The following TGFBR1 variants were observed in gnomAD, a reference collection of about 807,000 sequenced individuals.
TGFBR1 encodes the protein TGF-beta receptor type-1.
A neutral mutation model predicts 55.1 loss-of-function variants in TGFBR1; 20 were observed. The ratio of observed to expected loss-of-function variants is 0.36; its 90% CI spans 0.26 to 0.53. TGFBR1 has a LOEUF of 0.53. Ranked by LOEUF, TGFBR1 falls within the 20% of genes least tolerant of loss-of-function variation. TGFBR1 has a pLI of 0.91. For synonymous variants in TGFBR1, 220 were observed against 214.8 expected, an observed-to-expected ratio of 1.02 and a Z score of -0.21; for missense variants, 385 against 617.6, an observed-to-expected ratio of 0.62 and a Z score of 3.99.
Position 99,151,182 on chromosome 9 carries a change from G to A in TGFBR1, c.*1877G>A. On this transcript the variant is annotated 3_prime_UTR_variant, in exon 9 of 9. Coordinates refer to ENST00000374994, the MANE Select transcript of TGFBR1 (RefSeq NM_004612.4). ...GAGTGACATATTACATAGGAATTTA[G>A]TGTCAATTTCATGTGTTTAAAAACA... 4.3e-6 allele frequency: 1 copy of A among 230,406 alleles called. No homozygotes were observed. The highest frequency in any genetic ancestry group is 8.6e-6 in the Non-Finnish European group (1 of 116,308). 14.3% of individuals were successfully genotyped at this position (230,406 alleles called of 1,614,324 possible). A position where few individuals can be genotyped will look rare whatever the true frequency, so the allele number is the denominator to read the frequency against.
At position 99,151,676 on chromosome 9, in the gene TGFBR1, AT is replaced by A. The variant is rs1827982498; in HGVS notation, c.*2378del. 5.7e-5 allele frequency: 13 copies of A among 226,328 alleles called. No homozygotes were observed. In the East Asian group the frequency reaches 8.3e-4, roughly 14 times the overall value. 14.0% of individuals were successfully genotyped at this position (226,328 alleles called of 1,614,324 possible). A position where few individuals can be genotyped will look rare whatever the true frequency, so the allele number is the denominator to read the frequency against. On this transcript the variant is annotated 3_prime_UTR_variant, in exon 9 of 9. Coordinates refer to ENST00000374994, the MANE Select transcript of TGFBR1 (RefSeq NM_004612.4). ...AAATGTACTTTTGATGAATCAGGGA[AT>A]TTTTTTAAAGTTGGAGTTTAGTTCT...
intron 1 of TGFBR1, among the ~76,000 whole-genome samples, chr9:99,114,682 A>G (rs1275353658): frequency 6.6e-6 from 1 of 152,256 alleles, no homozygotes; most frequent in African/African-American, 2.4e-5. Flanking sequence ...AAGCTTTGCT[A>G]AAAGCTGGAG....
At chr9:99,104,334 G>A (rs1465485676), upstream of TGFBR1, among the ~76,000 whole-genome samples, 1 of 152,194 alleles carries the variant, frequency 6.6e-6, no homozygotes, top group Admixed American at 6.5e-5. Flanking sequence ...TCGGGAAGGG[G>A]TTTGAGAGGA....
chr9:99,105,347 C>G, intron 1 of TGFBR1, 45 bp downstream of exon 1: 1 of 979,582 alleles, frequency 1.0e-6, no homozygotes, highest in Non-Finnish European at 1.2e-6. Flanking sequence ...GCGCGCGGGC[C>G]GGACCCGGCC....
chr9:99,126,988 T>C (rs756808777), intron 1 of TGFBR1, among the ~76,000 whole-genome samples: 31 of 152,286 alleles, frequency 2.0e-4, no homozygotes, highest in Middle Eastern at 6.8e-3. Flanking sequence ...AGGGAGAACC[T>C]GACATTCCTG....
chr9:99,107,536 C>T (rs1296837003), intron 1 of TGFBR1, among the ~76,000 whole-genome samples: 1 of 152,158 alleles, frequency 6.6e-6, no homozygotes, highest in Non-Finnish European at 1.5e-5. Context: ...TCTATGAATG[C>T]CTCTTGAATG....
chr9:99,130,720 A>G (rs1827197258), intron 2 of TGFBR1, among the ~76,000 whole-genome samples: 1 of 152,218 alleles, frequency 6.6e-6, no homozygotes. Flanking sequence ...AGTAGTCTGA[A>G]CTAGATAGAT....
chr9:99,142,455 G>T, intron 4 of TGFBR1, 81 bp from the exon 5 acceptor site: 1 of 1,484,590 alleles, frequency 6.7e-7, no homozygotes. Flanking sequence ...ACTCAGGATT[G>T]AGAGTAAAAA....
At position 99,144,710 on chromosome 9, in the gene TGFBR1, T is replaced by C. The variant is rs11568794; in HGVS notation, c.974-22T>C. The C allele has an allele frequency of 1.1e-5, 17 of 1,613,142 alleles. No individual in the cohort carries two copies. In the East Asian group the frequency reaches 2.9e-4, roughly 28 times the overall value. On this transcript the variant is annotated intron_variant, in intron 5 of 8. Transcript: ENST00000374994. The stretch of plus-strand genomic sequence containing the variant: ...ATTGGTATTACCTTTTAAGCAGTCA[T>C]GTTTAATTTTTGATTCTTTAGGAAA...
At chr9:99,112,285 G>A (rs1333551182) in intron 1 of TGFBR1, among the ~76,000 whole-genome samples, 3 of 152,114 alleles carry the variant, frequency 2.0e-5, no homozygotes. Flanking sequence ...CCTGTGTGTG[G>A]CTGTTCCCTT....
rs2118714212 is a variant in TGFBR1 at position 99,137,961 on chromosome 9, G to A, written c.677G>A (p.Gly226Glu). The change falls in exon 4 of 9, where the codon GGA becomes GAA. Residue 226 changes from glycine (G) to glutamate (E), a missense_variant. By Grantham distance (98) the Gly-to-Glu change is moderately conservative. Coordinates refer to ENST00000374994, the MANE Select transcript of TGFBR1 (RefSeq NM_004612.4). ...FGEVWRGKWR[G>E]EEVAVKIFSS... is the part of the protein sequence containing the mutation. ...GAAGTTTGGAGAGGAAAGTGGCGGGGAGAAGAAGTTGCTGTTAAGATATTC... is the reference window on the plus strand; with the variant it reads ...GAAGTTTGGAGAGGAAAGTGGCGGGAAGAAGAAGTTGCTGTTAAGATATTC... The A allele has an allele frequency of 1.2e-6, 2 of 1,614,096 alleles. No individual in the cohort carries two copies. Among genetic ancestry groups the A allele is most frequent in the Non-Finnish European group, 1.7e-6 (2 of 1,179,976 alleles).
At position 99,150,620 on chromosome 9, in the gene TGFBR1, A is replaced by G; in HGVS notation, c.*1315A>G. ...AGAGCTAGTGTGGTTTTGAGGTCTC[A>G]CTACACTTTGAGGAAGGCAGCTTTT... On this transcript the variant is annotated 3_prime_UTR_variant, in exon 9 of 9. Coordinates refer to ENST00000374994, the MANE Select transcript of TGFBR1 (RefSeq NM_004612.4). 1 of 214,230 alleles carries G rather than the reference A, an allele frequency of 4.7e-6. No homozygotes were observed. Among genetic ancestry groups the G allele is most frequent in the Non-Finnish European group, 9.5e-6 (1 of 105,648 alleles). 13.3% of individuals were successfully genotyped at this position (214,230 alleles called of 1,614,324 possible). A position where few individuals can be genotyped will look rare whatever the true frequency, so the allele number is the denominator to read the frequency against.
Position 99,153,656 on chromosome 9 carries a change from G to T in TGFBR1, c.*4351G>T. 2 of 198,128 alleles carry T rather than the reference G, an allele frequency of 1.0e-5. No homozygotes were observed. Among genetic ancestry groups the T allele is most frequent in the Non-Finnish European group, 1.0e-5 (1 of 95,314 alleles). 12.3% of individuals were successfully genotyped at this position (198,128 alleles called of 1,614,324 possible). On this transcript the variant is annotated 3_prime_UTR_variant, in exon 9 of 9. Coordinates refer to ENST00000374994, the MANE Select transcript of TGFBR1 (RefSeq NM_004612.4). ...TAAATTACATTTTTCCCAAGTGCCAGTGGCATATTTTAAAATAAAGTGTAT... is the reference window on the plus strand; with the variant it reads ...TAAATTACATTTTTCCCAAGTGCCATTGGCATATTTTAAAATAAAGTGTAT...
At position 99,145,425 on chromosome 9, in the gene TGFBR1, T is replaced by C. The variant is rs10988726; in HGVS notation, c.1130+537T>C. 4.4e-3 allele frequency among the ~76,000 whole-genome samples: 675 copies of C among 152,318 alleles called. 4 individuals carry two copies. The highest frequency in any genetic ancestry group is 0.036 in the East Asian group (188 of 5,172). On this transcript the variant is annotated intron_variant, in intron 6 of 8. Coordinates refer to ENST00000374994, the MANE Select transcript of TGFBR1 (RefSeq NM_004612.4). ...CCTGCCAGGGACTGTCATAGCACAC[T>C]GAACTGGGACCGTTGAGGCACTTAT...
At chr9:99,124,317 A>C (rs139353598) in intron 1 of TGFBR1, among the ~76,000 whole-genome samples, 11 of 152,216 alleles carry the variant, frequency 7.2e-5, no homozygotes, top group African/African-American at 2.4e-4. Context: ...TCATCTCTGC[A>C]CCTCATAGCC....
intron 1 of TGFBR1, chr9:99,127,670 T>C: frequency 3.1e-6 from 1 of 326,788 alleles, no homozygotes; most frequent in Non-Finnish European, 5.9e-6. Flanking sequence ...ATCCTGCCCC[T>C]GTCTGCCTAG....
At chr9:99,128,118 C>A (rs960254046) in intron 1 of TGFBR1, 4 of 404,540 alleles carry the variant, frequency 9.9e-6, no homozygotes, top group African/African-American at 8.3e-5. Flanking sequence ...AAAGAGGTCA[C>A]TCCTGGGGTT....
At chr9:99,119,182 A>G (rs918689661) in intron 1 of TGFBR1, among the ~76,000 whole-genome samples, 2 of 152,202 alleles carry the variant, frequency 1.3e-5, no homozygotes, top group African/African-American at 4.8e-5. Flanking sequence ...TGGCTCCAAC[A>G]GATCTTTCGC....
At position 99,153,452 on chromosome 9, in the gene TGFBR1, G is replaced by A. The variant is rs570685518; in HGVS notation, c.*4147G>A. On this transcript the variant is annotated 3_prime_UTR_variant, in exon 9 of 9. Transcript: ENST00000374994. ...GTCCATATAAATTTCCATTGAAGTC[G>A]AATGATACTGAGAAGCCTGTAAAGA... is the stretch of plus-strand genomic sequence containing the variant. 2.4e-5 allele frequency: 5 copies of A among 206,812 alleles called. No individual in the cohort carries two copies. The highest frequency in any genetic ancestry group is 7.3e-5 in the East Asian group (1 of 13,622). 12.8% of individuals were successfully genotyped at this position (206,812 alleles called of 1,614,324 possible).
Sources: gnomAD v4.1 joint callset for allele counts (sites outside exome capture counted in the v4.1 genomes callset) on GRCh38, gnomAD v4.1.1 for gene constraint, MANE v1.5 for transcripts, NCBI Gene and HGNC (gene_info 2026-07-23, HGNC 2026-07-21) for gene names.